Variants in WDR70 observed in about 807,000 individuals in gnomAD.
WDR70 encodes the protein WD repeat-containing protein 70.
WDR70 carries 53 observed loss-of-function variants against 88.6 expected under a neutral mutation model. The observed-to-expected ratio is 0.60, with a 90% CI of 0.48 to 0.75. WDR70 has a LOEUF of 0.75. Among genes scored for constraint, WDR70 ranks in the 30% least tolerant of loss-of-function variants. The pLI is 0.00. For missense variants in WDR70, 610 were observed against 823.2 expected, an observed-to-expected ratio of 0.74 and a Z score of 3.17; for synonymous variants, 280 against 270.0, an observed-to-expected ratio of 1.04 and a Z score of -0.36.
At chr5:37,418,510 C>T (rs1432331576) in intron 5 of WDR70, among the ~76,000 whole-genome samples, 1 of 151,872 alleles carries the variant, frequency 6.6e-6, no homozygotes, top group Non-Finnish European at 1.5e-5. Flanking sequence ...TTAGTAGAGA[C>T]GGGGTTTCAC....
chr5:37,457,386 G>T (rs1345611910), intron 7 of WDR70, among the ~76,000 whole-genome samples: 1 of 152,168 alleles, frequency 6.6e-6, no homozygotes, highest in Admixed American at 6.5e-5. Context: ...GTGAGCCACT[G>T]CACCCAGCCA....
At chr5:37,584,839 A>G (rs1646536182) in intron 9 of WDR70, among the ~76,000 whole-genome samples, 2 of 151,750 alleles carry the variant, frequency 1.3e-5, no homozygotes, top group African/African-American at 2.4e-5. Flanking sequence ...ACTTGGTCCT[A>G]TGCTGACCAC....
intron 10 of WDR70, among the ~76,000 whole-genome samples, chr5:37,606,008 A>G (rs1202319725): frequency 6.6e-6 from 1 of 152,178 alleles, no homozygotes; most frequent in Non-Finnish European, 1.5e-5. Flanking sequence ...TAATTCAGTA[A>G]ATGTTTACTA....
intron 9 of WDR70, among the ~76,000 whole-genome samples, chr5:37,522,753 G>A (rs1215715052): frequency 6.6e-6 from 1 of 152,184 alleles, no homozygotes; most frequent in Non-Finnish European, 1.5e-5. Flanking sequence ...GTGACAGATG[G>A]CACCTGGAAA....
intron 5 of WDR70, among the ~76,000 whole-genome samples, chr5:37,408,133 T>C (rs369350173): frequency 6.6e-6 from 1 of 152,128 alleles, no homozygotes; most frequent in Admixed American, 6.6e-5. Context: ...TCAAGTTAGA[T>C]GCTGTAGCTG....
At chr5:37,595,417 T>A (rs1743673992) in intron 9 of WDR70, among the ~76,000 whole-genome samples, 2 of 152,318 alleles carry the variant, frequency 1.3e-5, no homozygotes, top group African/African-American at 4.8e-5. Context: ...TTGAAAACCA[T>A]AATACATTTC....
intron 4 of WDR70, among the ~76,000 whole-genome samples, chr5:37,393,627 C>T (rs1206730875): frequency 1.6e-4 from 25 of 151,864 alleles, no homozygotes; most frequent in South Asian, 1.0e-3. Flanking sequence ...CATTTGGAAG[C>T]GTGTTGTTTT....
At chr5:37,449,008 G>GT (rs910991339) in intron 7 of WDR70, among the ~76,000 whole-genome samples, 1 of 152,062 alleles carries the variant, frequency 6.6e-6, no homozygotes, top group Non-Finnish European at 1.5e-5. Flanking sequence ...CTTCTATCAT[G>GT]TTTTTTTAGG....
chr5:37,687,892 A>G (rs1284120292), intron 10 of WDR70: 3 of 666,258 alleles, frequency 4.5e-6, no homozygotes, highest in African/African-American at 1.8e-5. Flanking sequence ...TCACAATACC[A>G]TCTCTTTTCT....
intron 9 of WDR70, among the ~76,000 whole-genome samples, chr5:37,525,336 C>T (rs371838882): frequency 2.6e-5 from 4 of 152,146 alleles, no homozygotes; most frequent in Non-Finnish European, 4.4e-5. Context: ...CACTCAAAAC[C>T]GCTCAACTAC....
At chr5:37,432,125 A>G (rs1174727481) in intron 5 of WDR70, among the ~76,000 whole-genome samples, 2 of 152,220 alleles carry the variant, frequency 1.3e-5, no homozygotes, top group African/African-American at 4.8e-5. Context: ...CTGAGATACT[A>G]CCAAGCTGTT....
Position 37,604,972 on chromosome 5 carries a change from C to T in WDR70, c.918-92C>T, listed in dbSNP as rs1561919925. ...TTATTAGATTTATGTGCCAAAATGG[C>T]GAAGCAGTCTTTATGGACTCTTCCC... On this transcript the variant is annotated intron_variant, in intron 9 of 17. Transcript: ENST00000265107. 1.1e-5 allele frequency: 12 copies of T among 1,129,070 alleles called. 1 individual carries two copies. In the South Asian group the frequency reaches 1.9e-4, roughly 18 times the overall value. 69.9% of individuals were successfully genotyped at this position (1,129,070 alleles called of 1,614,324 possible). A position where few individuals can be genotyped will look rare whatever the true frequency, so the allele number is the denominator to read the frequency against.
intron 7 of WDR70, among the ~76,000 whole-genome samples, chr5:37,447,927 A>T (rs1451368473): frequency 2.0e-5 from 3 of 152,158 alleles, no homozygotes; most frequent in Admixed American, 1.3e-4. Flanking sequence ...CCTAGAACTT[A>T]AAGTGTAATT....
intron 10 of WDR70, among the ~76,000 whole-genome samples, chr5:37,645,740 TAC>T (rs990605516): frequency 8.5e-4 from 129 of 152,264 alleles, no homozygotes; most frequent in African/African-American, 3.0e-3. Flanking sequence ...CTTTGTCTCT[TAC>T]AGTTTTTTGT....
At chr5:37,727,156 G>A in intron 17 of WDR70, 111 bp downstream of exon 17, 2 of 1,341,558 alleles carry the variant, frequency 1.5e-6, no homozygotes, top group African/African-American at 1.5e-5. Context: ...TTCATACTTA[G>A]ATATGAAAAA....
intron 9 of WDR70, among the ~76,000 whole-genome samples, chr5:37,574,141 T>C (rs1456498215): frequency 1.3e-5 from 2 of 152,130 alleles, no homozygotes; most frequent in Non-Finnish European, 2.9e-5. Context: ...TAACAAAGTA[T>C]TTGACAATCC....
At chr5:37,550,496 C>T (rs1257571918) in intron 9 of WDR70, among the ~76,000 whole-genome samples, 2 of 152,184 alleles carry the variant, frequency 1.3e-5, no homozygotes, top group African/African-American at 4.8e-5. Context: ...TCCATTTGGT[C>T]TGCAGTGCAG....
At chr5:37,593,316 C>G (rs896721260) in intron 9 of WDR70, among the ~76,000 whole-genome samples, 3 of 151,990 alleles carry the variant, frequency 2.0e-5, no homozygotes, top group African/African-American at 7.3e-5. Context: ...CTGCTCCCCA[C>G]CCCTCAACAG....
rs1561876782 is a variant in WDR70, at chr5:37,499,589, C to CTCTCTCTCTCTCTCTT, written c.841-16910_841-16909insTTCTCTCTCTCTCTCT. ...TTTAAATATGTGATTTGGAAATATT[C>CTCTCTCTCTCTCTCTT]TCTCTCTCTCTCTCTCTCTCTCTCT... On this transcript the variant is annotated intron_variant, in intron 8 of 17. Coordinates refer to ENST00000265107, the MANE Select transcript of WDR70 (RefSeq NM_018034.4). Among the ~76,000 whole-genome samples, 153 of 16,072 alleles carry CTCTCTCTCTCTCTCTT rather than the reference C, an allele frequency of 9.5e-3. 4 individuals carry two copies. The highest frequency in any genetic ancestry group is 0.012 in the African/African-American group (133 of 11,456). The allele number at this position is 16,072 out of a possible 152,430, so 10.5% of individuals were successfully genotyped here.
Sources: allele counts gnomAD v4.1 joint callset (sites outside exome capture counted in the v4.1 genomes callset), GRCh38; gene constraint gnomAD v4.1.1; transcripts MANE v1.5; gene names NCBI Gene and HGNC (gene_info 2026-07-23, HGNC 2026-07-21).